SCN10A: variants seen among roughly 807,000 people sequenced by gnomAD.
SCN10A encodes the protein sodium voltage-gated channel alpha subunit 10.
In SCN10A, 162 loss-of-function variants were observed where a neutral mutation model predicts 170.7. That is an observed-to-expected ratio of 0.95 (90% CI 0.84 to 1.08). The LOEUF (loss-of-function observed/expected upper bound fraction) is 1.08, where lower values mean the gene tolerates loss of function less well. SCN10A is among the 50% of genes least tolerant of loss of function. The probability of loss-of-function intolerance (pLI) is 0.00; values close to 1 mark genes in which losing one functional copy is unlikely to be tolerated. For synonymous variants in SCN10A, 985 were observed against 904.6 expected (o/e 1.09, Z -1.59); for missense variants, 2,527 against 2,436.9 (o/e 1.04, Z -0.78).
chr3:38,765,344 G>C (rs538837620), intron 5 of SCN10A, among the ~76,000 whole-genome samples: 27 of 152,200 alleles, frequency 1.8e-4, no homozygotes, highest in African/African-American at 6.0e-4. Flanking sequence ...TATAATTTCA[G>C]GTCTTAGATT....
intron 4 of SCN10A, among the ~76,000 whole-genome samples, chr3:38,777,993 T>C (rs575311491): frequency 2.8e-4 from 42 of 152,194 alleles, no homozygotes; most frequent in African/African-American, 1.0e-3. Flanking sequence ...GAATACTATA[T>C]GGCAATAAAA....
Position 38,712,383 on chromosome 3 carries a change from G to T in SCN10A, c.3867C>A (p.Leu1289=). ...PSIMNVLLVC[L]IFWLIFSIMG... ...TGATGCTGAAGATGAGCCAGAAGAT[G>T]AGGCAGACGAGGAGGACATTCATGA... Residue 1289 remains leucine (L), a synonymous_variant, in exon 23 of 28, where the codon CTC becomes CTA. Transcript: ENST00000449082. The T allele has an allele frequency of 1.9e-6, 3 of 1,614,202 alleles. No individual in the cohort carries two copies. Among genetic ancestry groups the T allele is most frequent in the Non-Finnish European group, 2.5e-6 (3 of 1,180,026 alleles).
rs755553717 is a variant in SCN10A, at chr3:38,726,770, G to A, written c.2923C>T (p.Gln975Ter). The change falls in exon 17 of 28, where the codon CAA becomes TAA. Residue 975 changes from glutamine (Q) to a stop codon, truncating the protein, a stop_gained. Coordinates refer to ENST00000449082, the MANE Select transcript of SCN10A (RefSeq NM_006514.4). LOFTEE classifies it high-confidence loss of function. ...NTARGSSGGL[Q>*]APRGPRDEHS... ...TCATCCCTGGGGCCTCTGGGAGCTT[G>A]GAGCCCTCCAGAGCTCCCCCTGGCA... The A allele has an allele frequency of 1.2e-6, 2 of 1,611,532 alleles. No homozygotes were observed. The highest frequency in any genetic ancestry group is 3.3e-5 in the Admixed American group (2 of 59,952).
At chr3:38,702,862 TCTTTAAA>T (rs760248036) in intron 26 of SCN10A, among the ~76,000 whole-genome samples, 1 of 152,202 alleles carries the variant, frequency 6.6e-6, no homozygotes, top group Non-Finnish European at 1.5e-5. Context: ...TTTTATGGTG[TCTTTAAA>T]AAGCTCCTAC....
intron 15 of SCN10A, among the ~76,000 whole-genome samples, chr3:38,730,665 A>C (rs147836380): frequency 1.8e-4 from 27 of 150,432 alleles, no homozygotes; most frequent in African/African-American, 6.5e-4. Flanking sequence ...AAAACTATAG[A>C]TAACAATAAC....
At chr3:38,813,308 C>T (rs2064452158) in intron 1 of SCN10A, among the ~76,000 whole-genome samples, 3 of 152,188 alleles carry the variant, frequency 2.0e-5, no homozygotes, top group African/African-American at 7.2e-5. Flanking sequence ...CCTCTTGTCA[C>T]CTCACATTGT....
chr3:38,736,962 C>CTTTTTTTTTTTTTTTTTTTT (rs2063567359), intron 15 of SCN10A, among the ~76,000 whole-genome samples: 1 of 69,254 alleles, frequency 1.4e-5, no homozygotes, highest in Admixed American at 1.5e-4. Context: ...CAGAAATGTT[C>CTTTTTTTTTTTTTTTTTTTT]GTTTTTTTTT....
chr3:38,747,158 C>T (rs923332520), intron 13 of SCN10A, among the ~76,000 whole-genome samples: 1 of 152,116 alleles, frequency 6.6e-6, no homozygotes, highest in Non-Finnish European at 1.5e-5. Flanking sequence ...TTTAAAACAT[C>T]ATTGTTTCTC....
At chr3:38,763,959 A>G (rs763835764) in intron 5 of SCN10A, among the ~76,000 whole-genome samples, 1 of 152,200 alleles carries the variant, frequency 6.6e-6, no homozygotes, top group Non-Finnish European at 1.5e-5. Flanking sequence ...GCTAACTGTT[A>G]TCTCAGATTT....
Position 38,697,208 on chromosome 3 carries a change from C to T in SCN10A, c.*141G>A, listed in dbSNP as rs1427731528. 7.3e-7 allele frequency: 1 copy of T among 1,371,398 alleles called. No homozygotes were observed. Among genetic ancestry groups the T allele is most frequent in the Non-Finnish European group, 9.8e-7 (1 of 1,024,400 alleles). 85.0% of individuals were successfully genotyped at this position (1,371,398 alleles called of 1,614,324 possible). On this transcript the variant is annotated 3_prime_UTR_variant, in exon 28 of 28. Transcript: ENST00000449082. Reference sequence around the variant, plus strand: ...TTTTTTCAAAGGTGGTTACCAGTTGCATTCCCTGCCCAGTTCTGACATTGT... The same window carrying T: ...TTTTTTCAAAGGTGGTTACCAGTTGTATTCCCTGCCCAGTTCTGACATTGT...
intron 1 of SCN10A, among the ~76,000 whole-genome samples, chr3:38,798,084 C>A (rs2064350549): frequency 1.3e-5 from 2 of 152,122 alleles, no homozygotes; most frequent in Non-Finnish European, 2.9e-5. Context: ...ACATGACATT[C>A]TGAGAAAACT....
At chr3:38,698,742 C>T (rs1240925103) in intron 27 of SCN10A, among the ~76,000 whole-genome samples, 180 bp from the exon 28 acceptor site, 1 of 152,110 alleles carries the variant, frequency 6.6e-6, no homozygotes, top group Non-Finnish European at 1.5e-5. Context: ...TCAGTAAATG[C>T]CCATTGCATA....
chr3:38,782,536 G>A (rs186885716), intron 4 of SCN10A, among the ~76,000 whole-genome samples: 34 of 152,056 alleles, frequency 2.2e-4, no homozygotes, highest in African/African-American at 8.0e-4. Context: ...TTTTGAGAGG[G>A]TGGGGTAAAA....
intron 19 of SCN10A, 52 bp downstream of exon 19, chr3:38,723,378 A>T (rs955966926): frequency 6.2e-7 from 1 of 1,609,730 alleles, no homozygotes; most frequent in Non-Finnish European, 8.5e-7. Context: ...GCTCAACTGG[A>T]TTCTGGCCCT....
intron 1 of SCN10A, among the ~76,000 whole-genome samples, chr3:38,806,773 C>T (rs2064407615): frequency 6.6e-6 from 1 of 151,984 alleles, no homozygotes; most frequent in Admixed American, 6.6e-5. Flanking sequence ...ACACCACTAG[C>T]TCTCAGTGTA....
intron 15 of SCN10A, among the ~76,000 whole-genome samples, chr3:38,735,741 G>C (rs1213675469): frequency 6.6e-6 from 1 of 152,206 alleles, no homozygotes; most frequent in Non-Finnish European, 1.5e-5. Flanking sequence ...ATGGAGCAAG[G>C]CTTTAAGTGA....
At position 38,756,559 on chromosome 3, in the gene SCN10A, A is replaced by G. The variant is rs111682647; in HGVS notation, c.1290+115T>C. The G allele has an allele frequency of 1.2e-3, 1,030 of 825,248 alleles. 5 individuals carry two copies. Among genetic ancestry groups the G allele is most frequent in the Non-Finnish European group, 1.8e-3 (899 of 504,932 alleles). The allele number at this position is 825,248 out of a possible 1,614,324, so 51.1% of individuals were successfully genotyped here. On this transcript the variant is annotated intron_variant, in intron 10 of 27. Coordinates refer to ENST00000449082, the MANE Select transcript of SCN10A (RefSeq NM_006514.4). Reference sequence around the variant, plus strand: ...GATCTAATATGGTCCCTGAGGCAAGATGATTCCTCCTATAGCTCCCTAAAC... The same window carrying G: ...GATCTAATATGGTCCCTGAGGCAAGGTGATTCCTCCTATAGCTCCCTAAAC...
intron 13 of SCN10A, among the ~76,000 whole-genome samples, chr3:38,744,296 A>G (rs751344454): frequency 2.6e-5 from 4 of 152,172 alleles, no homozygotes; most frequent in Non-Finnish European, 5.9e-5. Context: ...TTGTCATTGC[A>G]TACACACTTG....
intron 13 of SCN10A, among the ~76,000 whole-genome samples, chr3:38,746,100 T>TATA (rs71085336): frequency 1.7e-4 from 17 of 99,818 alleles, no homozygotes; most frequent in Non-Finnish European, 2.3e-4. Flanking sequence ...TATATATATA[T>TATA]GCCATCTTTG....
Sources: gnomAD v4.1 joint callset for allele counts (sites outside exome capture counted in the v4.1 genomes callset) on GRCh38, gnomAD v4.1.1 for gene constraint, MANE v1.5 for transcripts, NCBI Gene and HGNC (gene_info 2026-07-23, HGNC 2026-07-21) for gene names.